RFX3: variants seen among roughly 807,000 people sequenced by gnomAD.
RFX3 encodes transcription factor RFX3.
In RFX3, 14 loss-of-function variants were observed where a neutral mutation model predicts 98.6. The observed-to-expected ratio is 0.14, with a 90% CI of 0.09 to 0.22. RFX3 has a LOEUF of 0.22. Ranked by LOEUF, RFX3 falls within the 10% of genes least tolerant of loss-of-function variation. The pLI is 1.00. For missense variants in RFX3, 639 were observed against 926.9 expected, an observed-to-expected ratio of 0.69 and a Z score of 4.03; for synonymous variants, 383 against 328.4, an observed-to-expected ratio of 1.17 and a Z score of -1.80.
intron 1 of RFX3, among the ~76,000 whole-genome samples, chr9:3,506,058 A>T (rs980533154): frequency 4.6e-5 from 7 of 151,828 alleles, no homozygotes; most frequent in African/African-American, 1.7e-4. Flanking sequence ...AACTTACAGA[A>T]ATTGAAGAGC....
At chr9:3,401,709 G>A (rs1189447295) in intron 1 of RFX3, among the ~76,000 whole-genome samples, 1 of 152,196 alleles carries the variant, frequency 6.6e-6, no homozygotes, top group African/African-American at 2.4e-5. Flanking sequence ...GGTGTGTCAT[G>A]AGCAACAGAT....
chr9:3,405,242 G>C (rs974228322), intron 1 of RFX3, among the ~76,000 whole-genome samples: 1 of 152,000 alleles, frequency 6.6e-6, no homozygotes, highest in Non-Finnish European at 1.5e-5. Flanking sequence ...AAAAAGAGTT[G>C]AGCTGGGGTG....
chr9:3,438,275 G>A (rs1351794435), intron 1 of RFX3, among the ~76,000 whole-genome samples: 2 of 152,160 alleles, frequency 1.3e-5, no homozygotes, highest in Middle Eastern at 3.4e-3. Context: ...TAGAACTGAC[G>A]AAATGACCTG....
At chr9:3,298,527 C>T (rs938712149) in intron 5 of RFX3, among the ~76,000 whole-genome samples, 1 of 151,788 alleles carries the variant, frequency 6.6e-6, no homozygotes, top group African/African-American at 2.4e-5. Flanking sequence ...AGGCACTGTT[C>T]TAGGCACTAG....
At chr9:3,517,609 G>A (rs1818304081) in intron 1 of RFX3, among the ~76,000 whole-genome samples, 1 of 152,180 alleles carries the variant, frequency 6.6e-6, no homozygotes, top group Non-Finnish European at 1.5e-5. Flanking sequence ...ATAAAAGTGA[G>A]AAAGGAGAAT....
intron 1 of RFX3, among the ~76,000 whole-genome samples, chr9:3,438,793 A>G (rs1399547348): frequency 6.6e-6 from 1 of 152,028 alleles, no homozygotes; most frequent in Non-Finnish European, 1.5e-5. Context: ...GAATACAGAG[A>G]ATAATTTCAT....
chr9:3,222,742 C>T lies in RFX3; in HGVS notation c.*2300G>A, dbSNP rs1817403157. On this transcript the variant is annotated 3_prime_UTR_variant, in exon 17 of 17. Coordinates refer to ENST00000617270, the MANE Select transcript of RFX3 (RefSeq NM_001282116.2). ...TTTGCAGATTATCATGTTTTGTTTG[C>T]CTTTTTTGTGTGTGTTTTGGTACAA... is the stretch of plus-strand genomic sequence containing the variant. 1 of 151,894 alleles carries T rather than the reference C, an allele frequency of 6.6e-6. No individual in the cohort carries two copies. Among genetic ancestry groups the T allele is most frequent in the Admixed American group, 6.6e-5 (1 of 15,226 alleles). 9.4% of individuals were successfully genotyped at this position (151,894 alleles called of 1,614,324 possible).
intron 2 of RFX3, among the ~76,000 whole-genome samples, chr9:3,358,009 T>C (rs1256338910): frequency 6.6e-6 from 1 of 152,088 alleles, no homozygotes; most frequent in South Asian, 2.1e-4. Flanking sequence ...CTAATTCAGA[T>C]TCTCAACTGG....
chr9:3,316,092 A>G (rs1479537468), intron 4 of RFX3, among the ~76,000 whole-genome samples: 1 of 152,204 alleles, frequency 6.6e-6, no homozygotes, highest in Non-Finnish European at 1.5e-5. Flanking sequence ...TTTTAGATCA[A>G]TATCGCTGAT....
chr9:3,429,068 G>C (rs1844388457), intron 1 of RFX3, among the ~76,000 whole-genome samples: 2 of 150,116 alleles, frequency 1.3e-5, no homozygotes, highest in South Asian at 4.2e-4. Context: ...TGTCTCCCAG[G>C]CTGGAGTGCG....
At chr9:3,471,517 TTG>T (rs948544479) in intron 1 of RFX3, among the ~76,000 whole-genome samples, 4 of 152,234 alleles carry the variant, frequency 2.6e-5, no homozygotes, top group Admixed American at 2.6e-4. Context: ...CTGCTTAAAC[TTG>T]TCTCTCTAAG....
intron 1 of RFX3, among the ~76,000 whole-genome samples, chr9:3,487,134 G>A (rs990156432): frequency 7.9e-5 from 12 of 151,986 alleles, no homozygotes; most frequent in Admixed American, 7.9e-4. Context: ...GAGATTACAG[G>A]CACAAGCCAC....
chr9:3,340,819 G>C (rs1396178158), intron 3 of RFX3, among the ~76,000 whole-genome samples: 1 of 152,216 alleles, frequency 6.6e-6, no homozygotes, highest in Non-Finnish European at 1.5e-5. Flanking sequence ...CTGTAAACTA[G>C]TTCAACCATT....
chr9:3,349,304 C>T (rs1389199076), intron 2 of RFX3, among the ~76,000 whole-genome samples: 2 of 151,660 alleles, frequency 1.3e-5, no homozygotes, highest in Non-Finnish European at 2.9e-5. Flanking sequence ...ATATTGTTTC[C>T]TTCAATTTTC....
intron 1 of RFX3, among the ~76,000 whole-genome samples, chr9:3,482,172 A>C (rs990224355): frequency 3.9e-5 from 6 of 152,132 alleles, no homozygotes; most frequent in African/African-American, 7.2e-5. Flanking sequence ...CAATGCTAAT[A>C]AAGATACAAA....
chr9:3,523,645 T>C (rs1419244817), intron 1 of RFX3, among the ~76,000 whole-genome samples: 1 of 152,160 alleles, frequency 6.6e-6, no homozygotes, highest in African/African-American at 2.4e-5. Context: ...ACCTATTATG[T>C]AAATGGCATA....
intron 1 of RFX3, chr9:3,490,281 C>T: frequency 3.1e-6 from 3 of 961,834 alleles, no homozygotes; most frequent in Non-Finnish European, 3.7e-6. Flanking sequence ...CAAATTACCT[C>T]ATATTCCTTC....
intron 2 of RFX3, among the ~76,000 whole-genome samples, chr9:3,353,543 T>G (rs1835404955): frequency 1.3e-5 from 2 of 151,960 alleles, no homozygotes; most frequent in African/African-American, 2.4e-5. Context: ...AAGACTGTAG[T>G]GAACACCTAG....
intron 2 of RFX3, among the ~76,000 whole-genome samples, chr9:3,387,904 A>T (rs1047806286): frequency 6.6e-6 from 1 of 152,172 alleles, no homozygotes; most frequent in African/African-American, 2.4e-5. Context: ...CAGAAAAGAA[A>T]GATAAAGACA....
Sources: allele counts gnomAD v4.1 joint callset (sites outside exome capture counted in the v4.1 genomes callset), GRCh38; gene constraint gnomAD v4.1.1; transcripts MANE v1.5; gene names NCBI Gene and HGNC (gene_info 2026-07-23, HGNC 2026-07-21).